Variants in NEDD4 observed in about 807,000 individuals in gnomAD.
NEDD4 encodes the protein NEDD4 E3 ubiquitin protein ligase.
A neutral mutation model predicts 144.9 loss-of-function variants in NEDD4; 99 were observed. The ratio of observed to expected loss-of-function variants is 0.68; its 90% CI spans 0.58 to 0.81. The LOEUF (loss-of-function observed/expected upper bound fraction) is 0.81, where lower values mean the gene tolerates loss of function less well. Among genes scored for constraint, NEDD4 ranks in the 30% least tolerant of loss-of-function variants. The probability of loss-of-function intolerance (pLI) is 0.00; values close to 1 mark genes in which losing one functional copy is unlikely to be tolerated. For synonymous variants in NEDD4, 318 were observed against 350.6 expected (o/e 0.91, Z 1.04); for missense variants, 985 against 1,065.9 (o/e 0.92, Z 1.06).
intron 1 of NEDD4, among the ~76,000 whole-genome samples, chr15:55,981,276 G>A (rs543278580): frequency 1.3e-5 from 2 of 152,122 alleles, no homozygotes; most frequent in African/African-American, 4.8e-5. Flanking sequence ...TGTTGGCCAG[G>A]CTGGTCTGGA....
intron 18 of NEDD4, 124 bp from the exon 19 acceptor site, chr15:55,842,287 T>G: frequency 5.4e-6 from 4 of 737,892 alleles, no homozygotes; most frequent in East Asian, 2.7e-5. Context: ...TTACGTAATA[T>G]ACTCAGGGAA....
chr15:55,830,103 C>A (rs1265534630), intron 28 of NEDD4, 104 bp from the exon 29 acceptor site: 28 of 780,148 alleles, frequency 3.6e-5, no homozygotes, highest in Non-Finnish European at 5.4e-5. Context: ...GTTCCAACAC[C>A]ACCAAAATAT....
intron 12 of NEDD4, among the ~76,000 whole-genome samples, chr15:55,854,537 G>A (rs2142017025): frequency 6.6e-6 from 1 of 152,232 alleles, no homozygotes. Flanking sequence ...CACCCTACGA[G>A]TCCCTTTACA....
At chr15:55,922,814 T>C (rs376879211) in intron 5 of NEDD4, among the ~76,000 whole-genome samples, 3 of 152,084 alleles carry the variant, frequency 2.0e-5, no homozygotes, top group East Asian at 3.8e-4. Flanking sequence ...GTTTCAAAGA[T>C]TTTGGTAATG....
intron 4 of NEDD4, among the ~76,000 whole-genome samples, chr15:55,936,417 A>T (rs2036890845): frequency 1.3e-5 from 2 of 152,144 alleles, no homozygotes; most frequent in Non-Finnish European, 2.9e-5. Flanking sequence ...CCATAAAAAT[A>T]CAAAAGAAAA....
chr15:55,969,403 G>C (rs1353679731), intron 1 of NEDD4, among the ~76,000 whole-genome samples: 1 of 152,180 alleles, frequency 6.6e-6, no homozygotes, highest in Non-Finnish European at 1.5e-5. Flanking sequence ...TACTGTGCTG[G>C]TCTTGGAGCC....
chr15:55,979,336 CCTCTTTTTTTTTTTT>C (rs2037759417), intron 1 of NEDD4, among the ~76,000 whole-genome samples: 1 of 76,336 alleles, frequency 1.3e-5, no homozygotes, highest in South Asian at 5.7e-4. Flanking sequence ...AAAGTTTTTA[CCTCTTTTTTTTTTTT>C]TTTTTTTTTT....
intron 2 of NEDD4, among the ~76,000 whole-genome samples, chr15:55,964,635 C>A (rs2037479495): frequency 6.8e-6 from 1 of 146,108 alleles, no homozygotes; most frequent in African/African-American, 2.6e-5. Context: ...GTTTTGGAGA[C>A]TGAATTTTGC....
chr15:55,974,891 C>CTTTTTTTTTTCTTTTTTTTTTTT (rs2037673483), intron 1 of NEDD4, among the ~76,000 whole-genome samples: 1 of 75,700 alleles, frequency 1.3e-5, no homozygotes, highest in Non-Finnish European at 2.5e-5. Context: ...CTTTTCCTTT[C>CTTTTTTTTTTCTTTTTTTTTTTT]TTTTTTTTTT....
chr15:55,970,710 A>C (rs1284278634), intron 1 of NEDD4, among the ~76,000 whole-genome samples: 2 of 152,260 alleles, frequency 1.3e-5, no homozygotes, highest in African/African-American at 4.8e-5. Context: ...TACAAGAGTC[A>C]TATCATTACT....
chr15:55,842,648 G>GAGTA (rs2033567659), intron 18 of NEDD4, among the ~76,000 whole-genome samples: 2 of 152,218 alleles, frequency 1.3e-5, no homozygotes, highest in South Asian at 4.1e-4. Flanking sequence ...AAAGTGCTGA[G>GAGTA]ATTACAGGCA....
At chr15:55,982,767 C>A (rs968652793) in intron 1 of NEDD4, among the ~76,000 whole-genome samples, 31 of 152,118 alleles carry the variant, frequency 2.0e-4, no homozygotes, top group African/African-American at 7.5e-4. Context: ...AAGGCAAAAT[C>A]AATACATTTT....
intron 5 of NEDD4, among the ~76,000 whole-genome samples, chr15:55,893,585 A>AT (rs548893860): frequency 2.7e-5 from 4 of 150,734 alleles, no homozygotes; most frequent in African/African-American, 7.3e-5. Flanking sequence ...AAGACATTTA[A>AT]TTTTTTTTTA....
At position 55,968,867 on chromosome 15, in the gene NEDD4, G is replaced by A. The variant is rs115132992; in HGVS notation, c.46-2321C>T. Among the ~76,000 whole-genome samples the A allele has an allele frequency of 3.3e-3, 504 of 152,294 alleles. 5 individuals are homozygous for A. Among genetic ancestry groups the A allele is most frequent in the African/African-American group, 0.011 (476 of 41,578 alleles). On this transcript the variant is annotated intron_variant, in intron 1 of 28. Coordinates refer to ENST00000435532, the MANE Select transcript of NEDD4 (RefSeq NM_006154.4). ...TAAGATCAACAAATATGGAGGAGGA[G>A]GCGGAGCAAGATGGCTCATTAGAAC...
chr15:55,830,065 G>C, intron 28 of NEDD4, 66 bp from the exon 29 acceptor site: 1 of 1,057,184 alleles, frequency 9.5e-7, no homozygotes, highest in Non-Finnish European at 1.4e-6. Flanking sequence ...ACAGCAAACA[G>C]AGCAATGCTG....
intron 5 of NEDD4, among the ~76,000 whole-genome samples, chr15:55,891,018 C>A (rs750859004): frequency 2.6e-5 from 4 of 152,146 alleles, no homozygotes; most frequent in Non-Finnish European, 4.4e-5. Flanking sequence ...AAAACTCATC[C>A]CATCCCATCT....
At chr15:55,858,951 T>A (rs1264887976) in intron 11 of NEDD4, among the ~76,000 whole-genome samples, 1 of 152,212 alleles carries the variant, frequency 6.6e-6, no homozygotes. Flanking sequence ...TAATTATTCA[T>A]AACAGGCAGC....
chr15:55,837,399 C>T (rs1319348696), intron 24 of NEDD4, among the ~76,000 whole-genome samples: 1 of 150,100 alleles, frequency 6.7e-6, no homozygotes, highest in African/African-American at 2.5e-5. Context: ...CACTGCATTC[C>T]AGCCTGGGCG....
At chr15:55,867,430 A>C (rs1353108685) in intron 8 of NEDD4, among the ~76,000 whole-genome samples, 1 of 152,240 alleles carries the variant, frequency 6.6e-6, no homozygotes, top group Non-Finnish European at 1.5e-5. Context: ...CTCAACTGTG[A>C]ATAGGGTCCT....
Sources: gnomAD v4.1 joint callset for allele counts (sites outside exome capture counted in the v4.1 genomes callset) on GRCh38, gnomAD v4.1.1 for gene constraint, MANE v1.5 for transcripts, NCBI Gene and HGNC (gene_info 2026-07-23, HGNC 2026-07-21) for gene names.